Variants in FRMD4B observed in about 807,000 individuals in gnomAD.
FRMD4B encodes FERM domain containing 4B, also known as FERM domain-containing protein 4B.
Under a neutral mutation model 141.5 loss-of-function variants are expected in FRMD4B, and 74 were observed. That is an observed-to-expected ratio of 0.52 (90% confidence interval 0.43 to 0.63). The LOEUF (loss-of-function observed/expected upper bound fraction) is 0.63, where lower values mean the gene tolerates loss of function less well. FRMD4B is among the 30% of genes least tolerant of loss of function. FRMD4B has a pLI of 0.00. For missense variants in FRMD4B, 1,366 were observed against 1,253.4 expected (o/e 1.09, Z -1.36); for synonymous variants, 506 against 467.9 (o/e 1.08, Z -1.05).
rs537488872 is a variant in FRMD4B at position 69,512,484 on chromosome 3, A to T, written c.-129+29722T>A. 5.3e-5 allele frequency among the ~76,000 whole-genome samples: 8 copies of T among 152,312 alleles called. No homozygotes were observed. In the South Asian group the frequency reaches 1.7e-3, roughly 32 times the overall value. ...AAATAAATCTGTATTTTTTCTTTTTACATAATGGTCTAAAGAGAAGCAGAG... is the reference window on the plus strand; with the variant it reads ...AAATAAATCTGTATTTTTTCTTTTTTCATAATGGTCTAAAGAGAAGCAGAG... On this transcript the variant is annotated intron_variant, in intron 1 of 5. Transcript: ENST00000459638.
chr3:69,352,760 G>A (rs976098658), intron 1 of FRMD4B, among the ~76,000 whole-genome samples: 1 of 152,168 alleles, frequency 6.6e-6, no homozygotes, highest in Non-Finnish European at 1.5e-5. Context: ...CATTTCCGAG[G>A]TTTCTATCTT....
At chr3:69,426,880 G>T (rs1366822469) in intron 2 of FRMD4B, among the ~76,000 whole-genome samples, 3 of 152,208 alleles carry the variant, frequency 2.0e-5, no homozygotes, top group Non-Finnish European at 4.4e-5. Flanking sequence ...CAATATGGCT[G>T]AGAATTTGTT....
intron 1 of FRMD4B, among the ~76,000 whole-genome samples, chr3:69,467,355 C>T (rs1300237723): frequency 6.6e-6 from 1 of 152,192 alleles, no homozygotes. Context: ...AATCCATCTG[C>T]CTCTTAAAAT....
At chr3:69,397,124 T>C (rs1355290224) in intron 2 of FRMD4B, among the ~76,000 whole-genome samples, 16 of 152,148 alleles carry the variant, frequency 1.1e-4, no homozygotes, top group Admixed American at 1.0e-3. Context: ...GTCCATCACT[T>C]GATGAGTGGA....
rs75649160 is a variant in FRMD4B, at chr3:69,221,717, G to A, written c.731+141C>T. On this transcript the variant is annotated intron_variant, in intron 9 of 22. Coordinates refer to ENST00000398540, the MANE Select transcript of FRMD4B (RefSeq NM_015123.3). ...GACACCAATGTATAGAATGACCGAA[G>A]ACATTTTCTAATTCACAGTAAGATA... The A allele has an allele frequency of 4.5e-3, 2,835 of 634,912 alleles. 8 individuals carry two copies. The highest frequency in any genetic ancestry group is 6.5e-3 in the Non-Finnish European group (2,284 of 349,342). 39.3% of individuals were successfully genotyped at this position (634,912 alleles called of 1,614,324 possible). A position where few individuals can be genotyped will look rare whatever the true frequency, so the allele number is the denominator to read the frequency against.
At chr3:69,453,758 G>A (rs984127647) in intron 1 of FRMD4B, among the ~76,000 whole-genome samples, 3 of 152,326 alleles carry the variant, frequency 2.0e-5, no homozygotes, top group South Asian at 4.1e-4. Flanking sequence ...AGCAGGTCCT[G>A]GCCAAGTGCA....
At chr3:69,363,183 A>G (rs1462413589) in intron 1 of FRMD4B, among the ~76,000 whole-genome samples, 1 of 151,216 alleles carries the variant, frequency 6.6e-6, no homozygotes, top group Non-Finnish European at 1.5e-5. Flanking sequence ...TGGTTGCAAT[A>G]TAGCTGCCAT....
At chr3:69,390,092 C>T (rs538443699), upstream of FRMD4B, among the ~76,000 whole-genome samples, 1 of 152,020 alleles carries the variant, frequency 6.6e-6, no homozygotes, top group Non-Finnish European at 1.5e-5. Context: ...GCCTGAGGCT[C>T]CTGTAGGTTC....
Position 69,464,909 on chromosome 3 carries a change from A to G in FRMD4B, c.-128-32148T>C, listed in dbSNP as rs533123049. On this transcript the variant is annotated intron_variant, in intron 1 of 5. Coordinates refer to the FRMD4B transcript ENST00000459638. Reference sequence around the variant, plus strand: ...CAGGTCAAATAACCAATTTTCTTCAATGTCTAAACTGCAAGGGGAAATAAC... The same window carrying G: ...CAGGTCAAATAACCAATTTTCTTCAGTGTCTAAACTGCAAGGGGAAATAAC... Among the ~76,000 whole-genome samples the G allele has an allele frequency of 2.7e-3, 417 of 152,354 alleles. 4 individuals carry two copies. The highest frequency in any genetic ancestry group is 9.4e-3 in the African/African-American group (391 of 41,576).
intron 5 of FRMD4B, among the ~76,000 whole-genome samples, chr3:69,274,963 T>C (rs2093611370): frequency 6.6e-6 from 1 of 152,196 alleles, no homozygotes; most frequent in African/African-American, 2.4e-5. Context: ...AATTAAAATG[T>C]GAATTTTCAA....
chr3:69,518,037 G>C (rs1700793221), intron 1 of FRMD4B, among the ~76,000 whole-genome samples: 1 of 152,156 alleles, frequency 6.6e-6, no homozygotes, highest in Non-Finnish European at 1.5e-5. Flanking sequence ...GTCATACTTT[G>C]AGAACCACAG....
At chr3:69,220,259 C>T (rs1025205736) in intron 9 of FRMD4B, among the ~76,000 whole-genome samples, 2 of 152,098 alleles carry the variant, frequency 1.3e-5, no homozygotes, top group African/African-American at 4.8e-5. Flanking sequence ...TGTTACTGGG[C>T]TGAAATACTG....
At chr3:69,203,367 A>G (rs944139445) in intron 11 of FRMD4B, among the ~76,000 whole-genome samples, 2 of 150,196 alleles carry the variant, frequency 1.3e-5, no homozygotes, top group Non-Finnish European at 3.0e-5. Flanking sequence ...GAAAAATACT[A>G]TAAGGAAAAG....
rs1207123942 is a variant in FRMD4B, at chr3:69,194,018, C to T, written c.1489-145G>A. ...TTCCCAACTTTTACTGCATAGACAT[C>T]CTTGTCAAACACTTTCCTTTACTCG... On this transcript the variant is annotated intron_variant, in intron 16 of 22. Coordinates refer to ENST00000398540, the MANE Select transcript of FRMD4B (RefSeq NM_015123.3). The T allele has an allele frequency of 8.2e-6, 5 of 613,030 alleles. No individual in the cohort carries two copies. The African/African-American group carries it at 9.2e-5, about 11-fold the overall frequency. The allele number at this position is 613,030 out of a possible 1,614,324, so 38.0% of individuals were successfully genotyped here.
intron 7 of FRMD4B, among the ~76,000 whole-genome samples, 178 bp from the exon 8 acceptor site, chr3:69,224,868 T>C (rs1467923937): frequency 6.7e-6 from 1 of 148,420 alleles, no homozygotes. Context: ...AGTTATATGA[T>C]GAGATGTTGA....
At chr3:69,345,750 A>G (rs1702915707) in intron 1 of FRMD4B, among the ~76,000 whole-genome samples, 1 of 152,224 alleles carries the variant, frequency 6.6e-6, no homozygotes, top group South Asian at 2.1e-4. Context: ...GGCACACTCC[A>G]ACAGACCTGC....
intron 10 of FRMD4B, among the ~76,000 whole-genome samples, chr3:69,217,627 C>T (rs1275788937): frequency 6.6e-6 from 1 of 152,056 alleles, no homozygotes; most frequent in Non-Finnish European, 1.5e-5. Flanking sequence ...ATCTCAAAAA[C>T]AAACAACAAA....
At chr3:69,386,225 C>T, upstream of FRMD4B, 1 of 429,636 alleles carries the variant, frequency 2.3e-6, no homozygotes, top group Non-Finnish European at 4.2e-6. Flanking sequence ...GTGTCCACCC[C>T]CGCCCGCTCG....
In FRMD4B at chr3:69,449,704, G is replaced by T. The variant is rs143336780; in HGVS notation, c.-128-16943C>A. 3.4e-3 allele frequency among the ~76,000 whole-genome samples: 524 copies of T among 152,128 alleles called. 4 individuals carry two copies. The highest frequency in any genetic ancestry group is 0.012 in the African/African-American group (491 of 41,520). On this transcript the variant is annotated intron_variant, in intron 1 of 5. Transcript: ENST00000459638. ...TTCTGAATCAGATTCTAAATTCTTA[G>T]TCTTGTGATTTTTTTTTTCCCCTAA...
Sources: gnomAD v4.1 joint callset for allele counts (sites outside exome capture counted in the v4.1 genomes callset) on GRCh38, gnomAD v4.1.1 for gene constraint, MANE v1.5 for transcripts, NCBI Gene and HGNC (gene_info 2026-07-23, HGNC 2026-07-21) for gene names.